SSH2: variants seen among roughly 807,000 people sequenced by gnomAD.
The protein encoded by SSH2 is slingshot protein phosphatase 2.
In SSH2, 37 loss-of-function variants were observed where a neutral mutation model predicts 135.2. That is an observed-to-expected ratio of 0.27 (90% confidence interval 0.21 to 0.36). The LOEUF (loss-of-function observed/expected upper bound fraction) is 0.36. Among genes scored for constraint, SSH2 ranks in the 10% least tolerant of loss-of-function variants. The probability of loss-of-function intolerance (pLI) is 1.00; values close to 1 mark genes in which losing one functional copy is unlikely to be tolerated. For missense variants in SSH2, 1,408 were observed against 1,765.3 expected (o/e 0.80, Z 3.63); for synonymous variants, 628 against 646.2 (o/e 0.97, Z 0.43).
At chr17:29,708,522 G>A (rs996796288) in intron 3 of SSH2, among the ~76,000 whole-genome samples, 9 of 151,352 alleles carry the variant, frequency 5.9e-5, no homozygotes, top group African/African-American at 1.2e-4. Context: ...CCTGGGAGGC[G>A]GAGGTTGCAG....
chr17:29,888,029 G>A (rs2066273506), intron 1 of SSH2, among the ~76,000 whole-genome samples: 1 of 152,102 alleles, frequency 6.6e-6, no homozygotes, highest in South Asian at 2.1e-4. Context: ...TTAAGCCCAG[G>A]AGTTTGAGAC....
chr17:29,663,330 T>C (rs746206884), intron 11 of SSH2, among the ~76,000 whole-genome samples: 1 of 152,166 alleles, frequency 6.6e-6, no homozygotes, highest in African/African-American at 2.4e-5. Flanking sequence ...CTGCAGAAAA[T>C]CAACACCACC....
intron 1 of SSH2, among the ~76,000 whole-genome samples, chr17:29,894,828 T>C (rs747488147): frequency 1.3e-5 from 2 of 151,990 alleles, no homozygotes; most frequent in African/African-American, 2.4e-5. Flanking sequence ...ATTACCATCC[T>C]TCCACCTTCC....
At chr17:29,708,239 C>T (rs1158196535) in intron 3 of SSH2, among the ~76,000 whole-genome samples, 1 of 152,068 alleles carries the variant, frequency 6.6e-6, no homozygotes, top group Non-Finnish European at 1.5e-5. Flanking sequence ...ATATGTCTTC[C>T]TGAAACAGCT....
intron 15 of SSH2, among the ~76,000 whole-genome samples, chr17:29,634,877 C>T (rs971686364): frequency 6.6e-6 from 1 of 151,132 alleles, no homozygotes; most frequent in Non-Finnish European, 1.5e-5. Context: ...AGTACCACAG[C>T]ATTGGAGATG....
chr17:29,872,137 T>C (rs976665376), intron 1 of SSH2, among the ~76,000 whole-genome samples: 1 of 152,224 alleles, frequency 6.6e-6, no homozygotes, highest in Non-Finnish European at 1.5e-5. Flanking sequence ...AGGGTTAAAT[T>C]GTTTCTTTTG....
intron 3 of SSH2, among the ~76,000 whole-genome samples, chr17:29,780,749 A>G (rs955717501): frequency 6.6e-6 from 1 of 151,204 alleles, no homozygotes; most frequent in Non-Finnish European, 1.5e-5. Flanking sequence ...GATAAAAAAG[A>G]TGAGGATTAA....
Position 29,682,760 on chromosome 17 carries a change from T to G in SSH2, c.479+1803A>C, listed in dbSNP as rs146723791. On this transcript the variant is annotated intron_variant, in intron 6 of 15. Coordinates refer to ENST00000540801, the MANE Select transcript of SSH2 (RefSeq NM_001282129.2). ...GATCTAGAAAGATTAAAAACCTAAATTAGAGGTCCTAAAATCCTAATGAAT... is the reference window on the plus strand; with the variant it reads ...GATCTAGAAAGATTAAAAACCTAAAGTAGAGGTCCTAAAATCCTAATGAAT... 8.8e-3 allele frequency among the ~76,000 whole-genome samples: 1,347 copies of G among 152,262 alleles called. 58 individuals carry two copies. The highest frequency in any genetic ancestry group is 0.069 in the Admixed American group (1,059 of 15,282).
intron 3 of SSH2, among the ~76,000 whole-genome samples, chr17:29,717,772 C>T (rs957279979): frequency 1.3e-5 from 2 of 152,128 alleles, no homozygotes; most frequent in African/African-American, 4.8e-5. Context: ...TGGTGGTGTG[C>T]ACCTGTAATC....
At chr17:29,870,176 A>C (rs2065915334) in intron 1 of SSH2, among the ~76,000 whole-genome samples, 1 of 152,138 alleles carries the variant, frequency 6.6e-6, no homozygotes, top group African/African-American at 2.4e-5. Context: ...GACTGGTTAA[A>C]TACATTATGG....
intron 13 of SSH2, among the ~76,000 whole-genome samples, chr17:29,649,049 G>A (rs932542912): frequency 3.3e-5 from 5 of 152,048 alleles, no homozygotes; most frequent in Admixed American, 2.6e-4. Flanking sequence ...GCCGAGGCAG[G>A]AGAATTGCTT....
chr17:29,799,718 A>G (rs1222151958), intron 2 of SSH2, among the ~76,000 whole-genome samples: 1 of 152,234 alleles, frequency 6.6e-6, no homozygotes, highest in African/African-American at 2.4e-5. Flanking sequence ...ATGCTTTCTT[A>G]TAGGGCACAA....
At chr17:29,761,090 C>G (rs3751919) in intron 3 of SSH2, 3 of 1,284,664 alleles carry the variant, frequency 2.3e-6, no homozygotes, top group Non-Finnish European at 3.0e-6. Context: ...GGGAAAGCGG[C>G]TGCTGAAAGA....
rs1225486302 is a variant in SSH2, at chr17:29,923,269, T to C, written c.63+6669A>G. 3.3e-5 allele frequency among the ~76,000 whole-genome samples: 5 copies of C among 152,000 alleles called. No individual in the cohort carries two copies. In the East Asian group the frequency reaches 9.6e-4, roughly 29 times the overall value. On this transcript the variant is annotated intron_variant, in intron 1 of 15. Transcript: ENST00000540801. The stretch of plus-strand genomic sequence containing the variant: ...AATTTCTTGAAATCTTAATAAATGT[T>C]CCAAACTGAGTCAAATATTTATAGC...
At chr17:29,700,073 G>A (rs574333393) in intron 4 of SSH2, among the ~76,000 whole-genome samples, 61 of 152,298 alleles carry the variant, frequency 4.0e-4, no homozygotes, top group African/African-American at 1.3e-3. Context: ...TAAAACAGCC[G>A]AGATTATCTT....
chr17:29,735,196 T>C (rs977822696), intron 3 of SSH2, among the ~76,000 whole-genome samples: 2 of 152,172 alleles, frequency 1.3e-5, no homozygotes, highest in Non-Finnish European at 2.9e-5. Context: ...TAAAGGAACC[T>C]GATAAACACC....
At position 29,638,617 on chromosome 17, in the gene SSH2, CA is replaced by C. The variant is rs1274305674; in HGVS notation, c.1428-1816del. On this transcript the variant is annotated intron_variant, in intron 14 of 15. Transcript: ENST00000540801. ...GGAGTGCAGTGAAACGATCAGAGCT[CA>C]CTGCAGCCTCAACCTCCTGGGCTCA... is the stretch of plus-strand genomic sequence containing the variant. Among the ~76,000 whole-genome samples, 10 of 152,024 alleles carry C rather than the reference CA, an allele frequency of 6.6e-5. 1 individual carries two copies. The highest frequency in any genetic ancestry group is 3.3e-4 in the Admixed American group (5 of 15,268).
intron 5 of SSH2, among the ~76,000 whole-genome samples, chr17:29,688,569 A>G (rs2038328461): frequency 6.6e-6 from 1 of 151,958 alleles, no homozygotes; most frequent in South Asian, 2.1e-4. Context: ...GGGTCCAGCA[A>G]TCTTCCCACC....
At chr17:29,892,755 ATCTC>A (rs968120714) in intron 1 of SSH2, among the ~76,000 whole-genome samples, 8 of 151,310 alleles carry the variant, frequency 5.3e-5, no homozygotes, top group African/African-American at 1.9e-4. Context: ...AACCTTCCAA[ATCTC>A]TCTCTCTCTG....
Sources: allele counts gnomAD v4.1 joint callset (sites outside exome capture counted in the v4.1 genomes callset), GRCh38; gene constraint gnomAD v4.1.1; transcripts MANE v1.5; gene names NCBI Gene and HGNC (gene_info 2026-07-23, HGNC 2026-07-21).